PKHD1L1: variants seen among roughly 807,000 people sequenced by gnomAD.
The protein encoded by PKHD1L1 is fibrocystin-L.
In PKHD1L1, 434 loss-of-function variants were observed where a neutral mutation model predicts 462.9. The observed-to-expected ratio is 0.94, with a 90% confidence interval of 0.87 to 1.02. PKHD1L1 has a LOEUF of 1.02. PKHD1L1 is among the 50% of genes least tolerant of loss of function. The pLI, the probability that PKHD1L1 is intolerant of heterozygous loss-of-function variation, is 0.00. For missense variants in PKHD1L1, 5,202 were observed against 5,096.1 expected, an observed-to-expected ratio of 1.02 and a Z score of -0.63; for synonymous variants, 1,781 against 1,750.0, an observed-to-expected ratio of 1.02 and a Z score of -0.44.
At chr8:109,491,222 C>A in intron 61 of PKHD1L1, 121 bp downstream of exon 61, 1 of 1,048,958 alleles carries the variant, frequency 9.5e-7, no homozygotes, top group Non-Finnish European at 1.3e-6. Flanking sequence ...TATATTTCTG[C>A]TGTCTAATAT....
chr8:109,483,617 T>A (rs1256663736), intron 57 of PKHD1L1, among the ~76,000 whole-genome samples: 2 of 150,236 alleles, frequency 1.3e-5, no homozygotes, highest in Non-Finnish European at 3.0e-5. Context: ...ATACATAATA[T>A]ATTAGTCATA....
chr8:109,526,714 C>G, intron 76 of PKHD1L1, 70 bp from the exon 77 acceptor site: 1 of 1,298,910 alleles, frequency 7.7e-7, no homozygotes, highest in South Asian at 1.5e-5. Flanking sequence ...CAATGAAAAT[C>G]AAATGGGAAC....
rs575983016 is a variant in PKHD1L1 at position 109,436,476 on chromosome 8, C to A, written c.3627+17C>A. Reference sequence around the variant, plus strand: ...ACACCAAAAGTAAGGCCTCTGATTTCAGTCACTTTTTCCTCCTAAGTCTGA... The same window carrying A: ...ACACCAAAAGTAAGGCCTCTGATTTAAGTCACTTTTTCCTCCTAAGTCTGA... On this transcript the variant is annotated intron_variant, in intron 30 of 77. Coordinates refer to ENST00000378402, the MANE Select transcript of PKHD1L1 (RefSeq NM_177531.6). 2 of 1,610,094 alleles carry A rather than the reference C, an allele frequency of 1.2e-6. No homozygotes were observed. Among genetic ancestry groups the A allele is most frequent in the East Asian group, 2.2e-5 (1 of 44,800 alleles).
chr8:109,452,975 A>G (rs1816623230), intron 43 of PKHD1L1, 101 bp downstream of exon 43: 1 of 1,015,260 alleles, frequency 9.8e-7, no homozygotes, highest in South Asian at 3.1e-5. Context: ...TAGTTGCACT[A>G]TCTTTTTAAT....
chr8:109,476,270 T>TAC (rs543122066), intron 51 of PKHD1L1, among the ~76,000 whole-genome samples: 7 of 151,146 alleles, frequency 4.6e-5, no homozygotes, highest in African/African-American at 1.7e-4. Context: ...TATATATACA[T>TAC]ACACACACAC....
intron 47 of PKHD1L1, among the ~76,000 whole-genome samples, chr8:109,461,415 C>T (rs1217210948): frequency 6.6e-6 from 1 of 152,156 alleles, no homozygotes; most frequent in African/African-American, 2.4e-5. Context: ...TGCATATTCT[C>T]ATGTTCTACA....
At position 109,440,632 on chromosome 8, in the gene PKHD1L1, A is replaced by G. The variant is rs1333684589; in HGVS notation, c.3957-78A>G. The G allele has an allele frequency of 2.6e-5, 33 of 1,289,896 alleles. No individual in the cohort carries two copies. The Admixed American group carries it at 6.8e-4, about 27-fold the overall frequency. The allele number at this position is 1,289,896 out of a possible 1,614,324, so 79.9% of individuals were successfully genotyped here. A position where few individuals can be genotyped will look rare whatever the true frequency, so the allele number is the denominator to read the frequency against. On this transcript the variant is annotated intron_variant, in intron 32 of 77. Transcript: ENST00000378402. ...ATCCAGTTATTTCCTCTTTCTAAAG[A>G]AGTCATATCCTAGCAAGAGTTTAGC...
intron 16 of PKHD1L1, 26 bp downstream of exon 16, chr8:109,405,156 ACT>A (rs1420455154): frequency 6.0e-6 from 8 of 1,329,500 alleles, no homozygotes; most frequent in Non-Finnish European, 7.2e-6. Context: ...TAAGGGAGAT[ACT>A]GTTTCTGTTC....
chr8:109,405,771 T>C (rs1380453771), intron 16 of PKHD1L1, among the ~76,000 whole-genome samples: 2 of 152,096 alleles, frequency 1.3e-5, no homozygotes, highest in South Asian at 2.1e-4. Flanking sequence ...GATGATGGGT[T>C]GATAGGTGCA....
At chr8:109,470,959 C>G (rs1563581451) in intron 50 of PKHD1L1, 1 of 1,610,294 alleles carries the variant, frequency 6.2e-7, no homozygotes, top group African/African-American at 1.3e-5. Flanking sequence ...GGGAGTTCCT[C>G]TTTAACAAGC....
intron 50 of PKHD1L1, among the ~76,000 whole-genome samples, chr8:109,469,288 G>A (rs535410749): frequency 2.7e-4 from 41 of 152,172 alleles, no homozygotes; most frequent in Admixed American, 1.4e-3. Flanking sequence ...ACCATTACTG[G>A]CCCTGAAAAG....
intron 40 of PKHD1L1, 59 bp downstream of exon 40, chr8:109,449,546 A>G: frequency 7.1e-7 from 1 of 1,416,404 alleles, no homozygotes; most frequent in Non-Finnish European, 9.4e-7. Flanking sequence ...TATAAAGATC[A>G]GTTAATTTCT....
intron 50 of PKHD1L1, among the ~76,000 whole-genome samples, chr8:109,468,296 G>A (rs978674770): frequency 9.2e-5 from 14 of 152,156 alleles, no homozygotes; most frequent in African/African-American, 3.1e-4. Context: ...AATGGAGCCA[G>A]TCTTTTAGAT....
At chr8:109,383,703 T>G (rs559032555) in intron 4 of PKHD1L1, among the ~76,000 whole-genome samples, 41 of 151,720 alleles carry the variant, frequency 2.7e-4, no homozygotes, top group African/African-American at 8.7e-4. Context: ...TCTGTTTGGT[T>G]TTCTGGTATG....
intron 4 of PKHD1L1, 85 bp from the exon 5 acceptor site, chr8:109,383,985 T>G: frequency 2.2e-6 from 2 of 893,880 alleles, no homozygotes; most frequent in Non-Finnish European, 3.7e-6. Flanking sequence ...ATTGTTGAAA[T>G]TTAGTAATGT....
intron 36 of PKHD1L1, 139 bp from the exon 37 acceptor site, chr8:109,443,537 C>T: frequency 1.5e-6 from 1 of 667,528 alleles, no homozygotes; most frequent in South Asian, 2.0e-5. Context: ...TGCCTAAGAC[C>T]CATTTGTCAT....
Position 109,464,612 on chromosome 8 carries a change from G to A in PKHD1L1, c.7780G>A (p.Gly2594Arg). 6.2e-7 allele frequency: 1 copy of A among 1,612,460 alleles called. No homozygotes were observed. The highest frequency in any genetic ancestry group is 8.5e-7 in the Non-Finnish European group (1 of 1,179,766). The change falls in exon 49 of 78, where the codon GGG (glycine) becomes AGG (arginine). Residue 2594 changes from glycine to arginine, a missense_variant. Gly to Arg is a moderately radical substitution (Grantham distance 125). Around this residue, in one of 3 missense-constraint regions of PKHD1L1, gnomAD observed 4,497 missense variants for 4,336.8 expected, o/e 1.04. Transcript: ENST00000378402. The stretch of plus-strand genomic sequence containing the variant: ...GTACCGGATGAACAACCACCCTGAT[G>A]GGCCATCCTATGACAGAAACATTTG... ...FWYRMNNHPDGPSYDRNICQK... is the reference protein window; with the variant it reads ...FWYRMNNHPDRPSYDRNICQK...
intron 7 of PKHD1L1, 143 bp downstream of exon 7, chr8:109,388,693 C>CA: frequency 1.6e-6 from 1 of 644,126 alleles, no homozygotes; most frequent in Non-Finnish European, 2.6e-6. Flanking sequence ...AGCGCATTAG[C>CA]AATCATTTTT....
chr8:109,479,560 A>C lies in PKHD1L1; in HGVS notation c.9099A>C (p.Ser3033=), dbSNP rs1295769735. ...KKRPATYNLW[S]NDSFWQSSRE... The stretch of plus-strand genomic sequence containing the variant: ...TCTCTTCTCTTTTCAGTTTATGGTC[A>C]AATGATTCTTTTTGGCAATCATCAC... The change falls in exon 54 of 78, where the codon TCA becomes TCC. Residue 3033 remains serine, a synonymous_variant. Coordinates refer to ENST00000378402, the MANE Select transcript of PKHD1L1 (RefSeq NM_177531.6). The C allele has an allele frequency of 6.6e-6, 10 of 1,511,038 alleles. No homozygotes were observed. Among genetic ancestry groups the C allele is most frequent in the Non-Finnish European group, 9.1e-6 (10 of 1,098,232 alleles). 93.6% of individuals were successfully genotyped at this position (1,511,038 alleles called of 1,614,324 possible).
Sources: allele counts gnomAD v4.1 joint callset (sites outside exome capture counted in the v4.1 genomes callset), GRCh38; gene constraint gnomAD v4.1.1; regional missense constraint gnomAD v4.1.1; transcripts MANE v1.5; gene names NCBI Gene and HGNC (gene_info 2026-07-23, HGNC 2026-07-21).